SLC30A6: variants seen among roughly 807,000 people sequenced by gnomAD.
SLC30A6 encodes solute carrier family 30 member 6, also known as zinc transporter 6.
A neutral mutation model predicts 63.0 loss-of-function variants in SLC30A6; 55 were observed. That is an observed-to-expected ratio of 0.87 (90% CI 0.70 to 1.09). The LOEUF (loss-of-function observed/expected upper bound fraction) is 1.09, where lower values mean the gene tolerates loss of function less well. Among genes scored for constraint, SLC30A6 ranks in the 50% least tolerant of loss-of-function variants. SLC30A6 has a pLI of 0.00. For missense variants in SLC30A6, 587 were observed against 549.2 expected, an observed-to-expected ratio of 1.07 and a Z score of -0.69; for synonymous variants, 224 against 186.1, an observed-to-expected ratio of 1.20 and a Z score of -1.66.
chr2:32,203,512 T>C lies in SLC30A6; in HGVS notation c.666-1078T>C. The C allele has an allele frequency of 5.0e-6, 8 of 1,605,932 alleles. No individual in the cohort carries two copies. The South Asian group carries it at 8.8e-5, about 18-fold the overall frequency. On this transcript the variant is annotated intron_variant, in intron 10 of 13. Transcript: ENST00000282587. ...CTGCAGCTTTAGCCCACATTTCTGGTGCATCAGGCTTTGAACCACGATCTT... is the reference window on the plus strand; with the variant it reads ...CTGCAGCTTTAGCCCACATTTCTGGCGCATCAGGCTTTGAACCACGATCTT...
intron 5 of SLC30A6, among the ~76,000 whole-genome samples, chr2:32,186,641 G>A (rs1040203438): frequency 4.6e-5 from 7 of 151,106 alleles, no homozygotes; most frequent in Admixed American, 1.3e-4. Flanking sequence ...GCAGTGAGTC[G>A]AGATTGTGCC....
chr2:32,195,599 CTGGATTAAAAATACAG>C (rs1424694317), intron 8 of SLC30A6, among the ~76,000 whole-genome samples: 1 of 151,344 alleles, frequency 6.6e-6, no homozygotes, highest in East Asian at 1.9e-4. Flanking sequence ...GAATTATTTA[CTGGATTAAAAATACAG>C]TATTTTTCAA....
chr2:32,204,614 C>G lies in SLC30A6; in HGVS notation c.690C>G (p.Ala230=). 1 of 1,611,520 alleles carries G rather than the reference C, an allele frequency of 6.2e-7. No homozygotes were observed. The highest frequency in any genetic ancestry group is 8.5e-7 in the Non-Finnish European group (1 of 1,178,524). The change falls in exon 11 of 14, where the codon GCC becomes GCG. Residue 230 remains alanine, a synonymous_variant. Transcript: ENST00000282587. ...GTAATTATTTTGCCGTAGACACTGC[C>G]TCTGCTATAGCTATTGCCTTGATGA... ...EINNYFAVDT[A]SAIAIALMTF...
At chr2:32,190,024 C>A (rs1293143573) in intron 5 of SLC30A6, among the ~76,000 whole-genome samples, 1 of 152,110 alleles carries the variant, frequency 6.6e-6, no homozygotes, top group Non-Finnish European at 1.5e-5. Context: ...TTCAGATCAC[C>A]TCTTTTTTAA....
At chr2:32,167,004 T>C (rs1318106395) in intron 1 of SLC30A6, among the ~76,000 whole-genome samples, 1 of 151,894 alleles carries the variant, frequency 6.6e-6, no homozygotes, top group East Asian at 1.9e-4. Context: ...TCTGTAGCAC[T>C]CAAGATAAAG....
At chr2:32,192,531 G>T in intron 6 of SLC30A6, 115 bp downstream of exon 6, 1 of 823,028 alleles carries the variant, frequency 1.2e-6, no homozygotes. Flanking sequence ...GAGCAGGGCT[G>T]GAGTTTTGAT....
intron 1 of SLC30A6, among the ~76,000 whole-genome samples, chr2:32,167,498 C>G (rs141358930): frequency 1.2e-3 from 187 of 151,564 alleles, no homozygotes; most frequent in African/African-American, 4.2e-3. Flanking sequence ...TTTGCATATG[C>G]TCTTCCATCC....
At chr2:32,203,954 G>A in intron 10 of SLC30A6, 1 of 770,012 alleles carries the variant, frequency 1.3e-6, no homozygotes. Context: ...AGATGAAGAG[G>A]GAATAGAAAT....
At chr2:32,204,498 T>C in intron 10 of SLC30A6, 92 bp from the exon 11 acceptor site, 1 of 743,986 alleles carries the variant, frequency 1.3e-6, no homozygotes, top group Non-Finnish European at 2.2e-6. Flanking sequence ...TGCTCAGTCC[T>C]GTTGCTTTAG....
At chr2:32,197,186 A>G (rs1431040748) in intron 8 of SLC30A6, 158 bp from the exon 9 acceptor site, 5 of 640,086 alleles carry the variant, frequency 7.8e-6, no homozygotes, top group Non-Finnish European at 1.3e-5. Flanking sequence ...ATAAGGGCAT[A>G]AAAGAGGAAA....
At chr2:32,168,375 T>C (rs1680875333) in intron 1 of SLC30A6, among the ~76,000 whole-genome samples, 1 of 150,158 alleles carries the variant, frequency 6.7e-6, no homozygotes, top group South Asian at 2.1e-4. Flanking sequence ...AGGTTTTGTG[T>C]TTATTAACAT....
At chr2:32,173,352 A>G (rs1208170477) in intron 2 of SLC30A6, among the ~76,000 whole-genome samples, 1 of 151,352 alleles carries the variant, frequency 6.6e-6, no homozygotes, top group Non-Finnish European at 1.5e-5. Context: ...TACTTGGTTG[A>G]TGTTGAACAG....
chr2:32,212,583 CTTTTTTTTTTT>C (rs1193348947), intron 13 of SLC30A6, among the ~76,000 whole-genome samples: 14 of 83,024 alleles, frequency 1.7e-4, no homozygotes, highest in South Asian at 3.8e-4. Flanking sequence ...CCATTTTTAC[CTTTTTTTTTTT>C]TTTTTTTTTT....
At chr2:32,217,890 T>C (rs185705588) in intron 13 of SLC30A6, among the ~76,000 whole-genome samples, 1 of 152,074 alleles carries the variant, frequency 6.6e-6, no homozygotes, top group Admixed American at 6.6e-5. Context: ...TCACCCAGGC[T>C]GGCGTGCAGT....
rs190687783 is a variant in SLC30A6 at position 32,202,150 on chromosome 2, A to T, written c.666-2440A>T. 186 of 746,106 alleles carry T rather than the reference A, an allele frequency of 2.5e-4. 1 individual carries two copies. In the Middle Eastern group the frequency reaches 3.6e-3, roughly 14 times the overall value. 46.2% of individuals were successfully genotyped at this position (746,106 alleles called of 1,614,324 possible). On this transcript the variant is annotated intron_variant, in intron 10 of 13. Coordinates refer to ENST00000282587, the MANE Select transcript of SLC30A6 (RefSeq NM_017964.5). ...CTCCAATCTTCCTATTTCTGAAGAG[A>T]CTATAAAGCTTCTGAAAGGTTGAGG...
intron 5 of SLC30A6, among the ~76,000 whole-genome samples, chr2:32,187,882 C>A (rs1440104280): frequency 6.6e-6 from 1 of 152,120 alleles, no homozygotes; most frequent in African/African-American, 2.4e-5. Context: ...CAGAATTACC[C>A]CCCAATCCCA....
At chr2:32,176,403 A>G (rs926932268) in intron 4 of SLC30A6, among the ~76,000 whole-genome samples, 4 of 152,064 alleles carry the variant, frequency 2.6e-5, no homozygotes, top group African/African-American at 9.7e-5. Flanking sequence ...TCACGCCTGT[A>G]ATCCCAGCAC....
chr2:32,194,283 A>G (rs987150401), intron 8 of SLC30A6, among the ~76,000 whole-genome samples: 1 of 152,228 alleles, frequency 6.6e-6, no homozygotes, highest in African/African-American at 2.4e-5. Context: ...TAATCTATCT[A>G]AGAAAAGTCT....
intron 4 of SLC30A6, among the ~76,000 whole-genome samples, chr2:32,176,454 C>T (rs532177586): frequency 2.0e-5 from 3 of 151,612 alleles, no homozygotes; most frequent in Non-Finnish European, 4.4e-5. Flanking sequence ...GTCAGGAGTT[C>T]GAGACCAGCC....
Sources: gnomAD v4.1 joint callset for allele counts (sites outside exome capture counted in the v4.1 genomes callset) on GRCh38, gnomAD v4.1.1 for gene constraint, MANE v1.5 for transcripts, NCBI Gene and HGNC (gene_info 2026-07-23, HGNC 2026-07-21) for gene names.